Variants in NOVA1 observed in about 807,000 individuals in gnomAD.
NOVA1 encodes the protein RNA-binding protein Nova-1.
A neutral mutation model predicts 38.0 loss-of-function variants in NOVA1; 7 were observed. That is an observed-to-expected ratio of 0.18 (90% CI 0.10 to 0.35). The LOEUF is 0.35. Ranked by LOEUF, NOVA1 falls within the 10% of genes least tolerant of loss-of-function variation. The probability of loss-of-function intolerance (pLI) is 1.00; values close to 1 mark genes in which losing one functional copy is unlikely to be tolerated. For missense variants in NOVA1, 460 were observed against 616.0 expected, an observed-to-expected ratio of 0.75 and a Z score of 2.68; for synonymous variants, 270 against 232.5, an observed-to-expected ratio of 1.16 and a Z score of -1.47.
At chr14:26,542,088 G>C (rs1890499238) in intron 2 of NOVA1, among the ~76,000 whole-genome samples, 1 of 151,844 alleles carries the variant, frequency 6.6e-6, no homozygotes, top group Non-Finnish European at 1.5e-5. Context: ...ATTGGTGCAA[G>C]TCATTAGGTA....
At chr14:26,469,543 G>A (rs1305592129) in intron 4 of NOVA1, among the ~76,000 whole-genome samples, 3 of 152,128 alleles carry the variant, frequency 2.0e-5, no homozygotes, top group Non-Finnish European at 2.9e-5. Flanking sequence ...CTAGGAAGAG[G>A]TAACTGTTCT....
At chr14:26,489,180 A>G (rs1886142979) in intron 2 of NOVA1, among the ~76,000 whole-genome samples, 1 of 152,150 alleles carries the variant, frequency 6.6e-6, no homozygotes, top group African/African-American at 2.4e-5. Flanking sequence ...ATATAGATTA[A>G]TGCATTAGAC....
At chr14:26,489,828 T>C (rs932168262) in intron 2 of NOVA1, among the ~76,000 whole-genome samples, 1 of 152,012 alleles carries the variant, frequency 6.6e-6, no homozygotes, top group Non-Finnish European at 1.5e-5. Flanking sequence ...AGAGTGATAC[T>C]CTGTCTCAAT....
At chr14:26,505,507 G>A (rs941730291) in intron 2 of NOVA1, among the ~76,000 whole-genome samples, 1 of 152,090 alleles carries the variant, frequency 6.6e-6, no homozygotes, top group African/African-American at 2.4e-5. Flanking sequence ...ATGTGGAACT[G>A]TGAGTCAATT....
At chr14:26,521,375 A>C (rs942094690) in intron 2 of NOVA1, among the ~76,000 whole-genome samples, 1 of 152,160 alleles carries the variant, frequency 6.6e-6, no homozygotes, top group Non-Finnish European at 1.5e-5. Context: ...TGCAGTTTTA[A>C]AAAATTTTAG....
intron 4 of NOVA1, among the ~76,000 whole-genome samples, chr14:26,466,374 G>A (rs1056816213): frequency 1.3e-5 from 2 of 152,190 alleles, no homozygotes; most frequent in East Asian, 3.9e-4. Context: ...GTTAGGGGTA[G>A]TTTTTGGACT....
chr14:26,449,518 G>T (rs1882441554), intron 4 of NOVA1, among the ~76,000 whole-genome samples: 1 of 152,034 alleles, frequency 6.6e-6, no homozygotes, highest in South Asian at 2.1e-4. Flanking sequence ...CTTGTTTCAT[G>T]ACTGTCTTCA....
chr14:26,501,457 G>A (rs988666790), intron 2 of NOVA1, among the ~76,000 whole-genome samples: 1 of 151,960 alleles, frequency 6.6e-6, no homozygotes, highest in African/African-American at 2.4e-5. Flanking sequence ...CTGGTATACA[G>A]ACAAGCTATT....
intron 2 of NOVA1, among the ~76,000 whole-genome samples, chr14:26,566,386 G>A (rs992845674): frequency 6.6e-6 from 1 of 152,068 alleles, no homozygotes; most frequent in African/African-American, 2.4e-5. Context: ...TGGCTCCAAT[G>A]ATTGTAAGTG....
chr14:26,494,184 A>G (rs920646239), intron 2 of NOVA1, among the ~76,000 whole-genome samples: 2 of 152,116 alleles, frequency 1.3e-5, no homozygotes, highest in African/African-American at 4.8e-5. Flanking sequence ...CTCAAGTTTG[A>G]GCATATGCCT....
At chr14:26,471,549 A>G (rs1057439021) in intron 4 of NOVA1, among the ~76,000 whole-genome samples, 2 of 151,922 alleles carry the variant, frequency 1.3e-5, no homozygotes, top group East Asian at 1.9e-4. Context: ...TAATAAATAT[A>G]TTATTCAACA....
At chr14:26,495,269 T>C (rs1045152995) in intron 2 of NOVA1, among the ~76,000 whole-genome samples, 7 of 152,166 alleles carry the variant, frequency 4.6e-5, no homozygotes, top group Non-Finnish European at 7.3e-5. Context: ...CACTTTATGC[T>C]TCTTTATGAC....
chr14:26,467,037 A>G (rs1471493200), intron 4 of NOVA1, among the ~76,000 whole-genome samples: 1 of 152,210 alleles, frequency 6.6e-6, no homozygotes, highest in Non-Finnish European at 1.5e-5. Flanking sequence ...TTTGTCCCAC[A>G]GTGGAGACAC....
chr14:26,517,335 C>T (rs375879772), intron 2 of NOVA1, among the ~76,000 whole-genome samples: 10 of 152,066 alleles, frequency 6.6e-5, no homozygotes, highest in Admixed American at 3.3e-4. Context: ...CACAAAATAC[C>T]GCTCCTCGGA....
chr14:26,468,358 G>A (rs1425288771), intron 4 of NOVA1, among the ~76,000 whole-genome samples: 2 of 151,638 alleles, frequency 1.3e-5, no homozygotes, highest in African/African-American at 4.8e-5. Flanking sequence ...CAACAACCTG[G>A]ATGAACAGGG....
intron 2 of NOVA1, among the ~76,000 whole-genome samples, chr14:26,559,986 T>A (rs535001436): frequency 2.6e-5 from 4 of 152,078 alleles, no homozygotes; most frequent in Admixed American, 2.0e-4. Flanking sequence ...TTACATTGTA[T>A]GTATTAAATT....
At chr14:26,495,005 G>A (rs772377037) in intron 2 of NOVA1, among the ~76,000 whole-genome samples, 1 of 151,996 alleles carries the variant, frequency 6.6e-6, no homozygotes, top group South Asian at 2.1e-4. Context: ...CTGAGCTCTC[G>A]TCAGTCCCCA....
At position 26,446,792 on chromosome 14, in the gene NOVA1, G is replaced by A. The variant is rs550730895; in HGVS notation, c.*1167C>T. On this transcript the variant is annotated 3_prime_UTR_variant, in exon 5 of 5. Transcript: ENST00000539517. ...AAAGGTAGATAACACTACCTCTCAA[G>A]ATAAGCTGCCTCTTCTAAATAAGCA... is the stretch of plus-strand genomic sequence containing the variant. The A allele has an allele frequency of 5.2e-5, 8 of 152,762 alleles. No homozygotes were observed. The highest frequency in any genetic ancestry group is 1.9e-4 in the African/African-American group (8 of 41,574). The allele number at this position is 152,762 out of a possible 1,614,324, so 9.5% of individuals were successfully genotyped here.
At chr14:26,549,850 G>T in intron 2 of NOVA1, 1 of 640,762 alleles carries the variant, frequency 1.6e-6, no homozygotes, top group Non-Finnish European at 2.5e-6. Context: ...TCGGTGGTGG[G>T]TGAAGTGACT....
Sources: allele counts gnomAD v4.1 joint callset (sites outside exome capture counted in the v4.1 genomes callset), GRCh38; gene constraint gnomAD v4.1.1; transcripts MANE v1.5; gene names NCBI Gene and HGNC (gene_info 2026-07-23, HGNC 2026-07-21).